The following OSBPL8 variants were observed in gnomAD, a reference collection of about 807,000 sequenced individuals.
OSBPL8 encodes the protein oxysterol binding protein like 8.
OSBPL8 carries 59 observed loss-of-function variants against 125.5 expected under a neutral mutation model. The ratio of observed to expected loss-of-function variants is 0.47; its 90% CI spans 0.38 to 0.58. The LOEUF is 0.58. OSBPL8 is among the 20% of genes least tolerant of loss of function. OSBPL8 has a pLI of 0.00. For missense variants in OSBPL8, 758 were observed against 1,047.8 expected, an observed-to-expected ratio of 0.72 and a Z score of 3.82; for synonymous variants, 330 against 338.9, an observed-to-expected ratio of 0.97 and a Z score of 0.29.
At chr12:76,389,530 A>G in intron 12 of OSBPL8, 115 bp downstream of exon 12, 1 of 783,350 alleles carries the variant, frequency 1.3e-6, no homozygotes, top group Non-Finnish European at 1.9e-6. Context: ...GAGAACAGAG[A>G]GTGATGTCTC....
At chr12:76,434,548 C>T (rs1244148104) in intron 4 of OSBPL8, among the ~76,000 whole-genome samples, 1 of 152,056 alleles carries the variant, frequency 6.6e-6, no homozygotes, top group African/African-American at 2.4e-5. Flanking sequence ...AAACAATCAA[C>T]ATAGTGAAAT....
At chr12:76,468,283 A>G (rs186175233) in intron 2 of OSBPL8, among the ~76,000 whole-genome samples, 1 of 152,234 alleles carries the variant, frequency 6.6e-6, no homozygotes, top group East Asian at 1.9e-4. Context: ...TAGTTAAAAT[A>G]TTTTACAATT....
At chr12:76,481,404 G>T (rs745774085) in intron 2 of OSBPL8, among the ~76,000 whole-genome samples, 41 of 152,118 alleles carry the variant, frequency 2.7e-4, no homozygotes, top group Non-Finnish European at 4.7e-4. Context: ...TTGGGAAGTT[G>T]TACATAAAAA....
intron 1 of OSBPL8, among the ~76,000 whole-genome samples, chr12:76,523,959 A>G (rs1173472144): frequency 6.6e-6 from 1 of 152,222 alleles, no homozygotes; most frequent in Non-Finnish European, 1.5e-5. Context: ...CTTCCCTTTA[A>G]AAGACTATGA....
At chr12:76,459,705 A>G (rs190710178) in intron 3 of OSBPL8, among the ~76,000 whole-genome samples, 154 bp downstream of exon 3, 1 of 152,310 alleles carries the variant, frequency 6.6e-6, no homozygotes, top group African/African-American at 2.4e-5. Context: ...GTACTAAATG[A>G]CCATTTATAT....
intron 5 of OSBPL8, among the ~76,000 whole-genome samples, chr12:76,406,131 T>A (rs184294446): frequency 1.4e-4 from 21 of 152,312 alleles, no homozygotes; most frequent in Admixed American, 3.9e-4. Flanking sequence ...TATGACTATA[T>A]TTCAGATTGC....
At chr12:76,366,552 T>C (rs1443401179) in intron 21 of OSBPL8, 1 of 446,452 alleles carries the variant, frequency 2.2e-6, no homozygotes, top group Admixed American at 2.5e-5. Flanking sequence ...ATCTGTACTC[T>C]AATCTTCATT....
chr12:76,487,069 G>T (rs989110307), intron 2 of OSBPL8, among the ~76,000 whole-genome samples: 1 of 123,934 alleles, frequency 8.1e-6, no homozygotes, highest in Non-Finnish European at 1.6e-5. Context: ...TGACTTTGTC[G>T]CCCAGGCTGG....
At chr12:76,375,183 C>T in intron 17 of OSBPL8, 90 bp downstream of exon 17, 2 of 842,196 alleles carry the variant, frequency 2.4e-6, no homozygotes, top group East Asian at 5.2e-5. Context: ...ACATTTAGTC[C>T]TTAATTAGGA....
chr12:76,367,770 A>G (rs951843806), intron 21 of OSBPL8, among the ~76,000 whole-genome samples: 1 of 152,118 alleles, frequency 6.6e-6, no homozygotes, highest in African/African-American at 2.4e-5. Context: ...ACCTACCTCT[A>G]CAACAATCTA....
intron 4 of OSBPL8, among the ~76,000 whole-genome samples, chr12:76,437,567 G>GC (rs1871619086): frequency 6.6e-6 from 1 of 152,126 alleles, no homozygotes; most frequent in African/African-American, 2.4e-5. Context: ...TACATGCACT[G>GC]CAACGCATCT....
chr12:76,462,949 G>A (rs961474826), intron 2 of OSBPL8, among the ~76,000 whole-genome samples: 5 of 152,158 alleles, frequency 3.3e-5, no homozygotes, highest in Admixed American at 6.5e-5. Context: ...GGTCAGAGGG[G>A]TAAACAGATG....
chr12:76,508,687 C>A (rs1358542586), intron 1 of OSBPL8, among the ~76,000 whole-genome samples: 1 of 152,188 alleles, frequency 6.6e-6, no homozygotes, highest in Non-Finnish European at 1.5e-5. Flanking sequence ...CTCTGGTCAT[C>A]CTCACTGTTT....
chr12:76,424,395 T>C (rs1869889077), intron 4 of OSBPL8, among the ~76,000 whole-genome samples: 1 of 152,234 alleles, frequency 6.6e-6, no homozygotes, highest in Non-Finnish European at 1.5e-5. Flanking sequence ...TACCCATAAC[T>C]GCAACAAGTT....
intron 5 of OSBPL8, among the ~76,000 whole-genome samples, chr12:76,405,741 A>G (rs1264409744): frequency 6.6e-6 from 1 of 152,166 alleles, no homozygotes; most frequent in Non-Finnish European, 1.5e-5. Context: ...CCAAAAATGT[A>G]AACGATTTTT....
intron 2 of OSBPL8, among the ~76,000 whole-genome samples, chr12:76,462,839 A>G (rs1874903905): frequency 6.6e-6 from 1 of 152,194 alleles, no homozygotes; most frequent in South Asian, 2.1e-4. Flanking sequence ...GAGCAAGTGT[A>G]CAGGATTATG....
Position 76,385,447 on chromosome 12 carries a change from CAT to C in OSBPL8, c.1533+719_1533+720del, listed in dbSNP as rs1953269367. ...CTGTATACAACAAAAAGAGAGGTATCATAGGGGAGAAGAGGGAATTAAAGAAG... is the reference window on the plus strand; with the variant it reads ...CTGTATACAACAAAAAGAGAGGTATCAGGGGAGAAGAGGGAATTAAAGAAG... On this transcript the variant is annotated intron_variant, in intron 14 of 23. Coordinates refer to ENST00000261183, the MANE Select transcript of OSBPL8 (RefSeq NM_020841.5). 3.9e-5 allele frequency among the ~76,000 whole-genome samples: 6 copies of C among 152,066 alleles called. 1 individual carries two copies. In the South Asian group the frequency reaches 1.0e-3, roughly 26 times the overall value.
At chr12:76,364,022 G>C (rs941217478) in intron 21 of OSBPL8, among the ~76,000 whole-genome samples, 3 of 152,216 alleles carry the variant, frequency 2.0e-5, no homozygotes, top group African/African-American at 7.2e-5. Context: ...AGAGGATGTG[G>C]AGAAATAGGA....
chr12:76,435,382 G>T (rs1383923799), intron 4 of OSBPL8, among the ~76,000 whole-genome samples: 1 of 152,080 alleles, frequency 6.6e-6, no homozygotes, highest in Non-Finnish European at 1.5e-5. Flanking sequence ...TAGAATAGTG[G>T]TTGCTAGAGG....
Sources: gnomAD v4.1 joint callset for allele counts (sites outside exome capture counted in the v4.1 genomes callset) on GRCh38, gnomAD v4.1.1 for gene constraint, MANE v1.5 for transcripts, NCBI Gene and HGNC (gene_info 2026-07-23, HGNC 2026-07-21) for gene names.